Variants in OSBPL1A observed in about 807,000 individuals in gnomAD.
OSBPL1A encodes oxysterol binding protein like 1A.
Under a neutral mutation model 137.1 loss-of-function variants are expected in OSBPL1A, and 80 were observed. The ratio of observed to expected loss-of-function variants is 0.58; its 90% CI spans 0.49 to 0.70. OSBPL1A has a LOEUF of 0.70. Ranked by LOEUF, OSBPL1A falls within the 30% of genes least tolerant of loss-of-function variation. OSBPL1A has a pLI of 0.00. For missense variants in OSBPL1A, 970 were observed against 1,129.4 expected (o/e 0.86, Z 2.02); for synonymous variants, 365 against 389.7 (o/e 0.94, Z 0.75).
chr18:24,253,720 A>G (rs1278165441), intron 15 of OSBPL1A, among the ~76,000 whole-genome samples: 2 of 152,218 alleles, frequency 1.3e-5, no homozygotes, highest in African/African-American at 4.8e-5. Context: ...GTGGGATGGC[A>G]GAACTGGTTG....
At chr18:24,363,126 T>C (rs1470924857) in intron 4 of OSBPL1A, among the ~76,000 whole-genome samples, 1 of 152,256 alleles carries the variant, frequency 6.6e-6, no homozygotes, top group Admixed American at 6.5e-5. Flanking sequence ...CTGCTTTTTC[T>C]ATTAGAGTGT....
chr18:24,293,104 C>CAAAAAAAAAA (rs1172730345), intron 14 of OSBPL1A, among the ~76,000 whole-genome samples: 39 of 66,244 alleles, frequency 5.9e-4, no homozygotes, highest in East Asian at 3.3e-3. Context: ...ACTCCCGTCT[C>CAAAAAAAAAA]AAAAAAAAAA....
chr18:24,368,623 C>T (rs1214140666), intron 2 of OSBPL1A: 5 of 342,120 alleles, frequency 1.5e-5, no homozygotes, highest in Non-Finnish European at 2.7e-5. Context: ...ACGGGGGTTA[C>T]ATTCGAGCTA....
At chr18:24,265,454 T>C (rs921090571) in intron 15 of OSBPL1A, among the ~76,000 whole-genome samples, 3 of 152,108 alleles carry the variant, frequency 2.0e-5, no homozygotes. Context: ...CACTCCAGCC[T>C]GGGCGACAGA....
At chr18:24,237,520 G>A (rs776110224) in intron 16 of OSBPL1A, among the ~76,000 whole-genome samples, 2 of 152,130 alleles carry the variant, frequency 1.3e-5, no homozygotes, top group South Asian at 4.1e-4. Flanking sequence ...GCCCAGGCTG[G>A]TCTCGAACTT....
chr18:24,185,195 C>T (rs982715240), intron 18 of OSBPL1A, among the ~76,000 whole-genome samples: 13 of 152,032 alleles, frequency 8.6e-5, no homozygotes, highest in Admixed American at 2.0e-4. Flanking sequence ...ATTTTTAAGG[C>T]GTGAAAACAC....
chr18:24,370,543 T>C (rs1388996861), intron 2 of OSBPL1A, among the ~76,000 whole-genome samples: 4 of 152,180 alleles, frequency 2.6e-5, no homozygotes, highest in African/African-American at 9.7e-5. Flanking sequence ...AGCCACAGCC[T>C]GGGCGCCATC....
intron 15 of OSBPL1A, among the ~76,000 whole-genome samples, chr18:24,246,949 GAAAA>G (rs1300347548): frequency 6.6e-6 from 1 of 151,982 alleles, no homozygotes; most frequent in African/African-American, 2.4e-5. Flanking sequence ...TGTGATATAA[GAAAA>G]AAAGGAAATC....
rs531375263 is a variant in OSBPL1A, at chr18:24,369,626, C to G, written c.122-1254G>C. Among the ~76,000 whole-genome samples the G allele has an allele frequency of 2.6e-5, 4 of 152,292 alleles. No individual in the cohort carries two copies. The East Asian group carries it at 7.7e-4, about 29-fold the overall frequency. On this transcript the variant is annotated intron_variant, in intron 2 of 27. Transcript: ENST00000319481. ...ACCTCAGCCAACAACCTCAGCACAC[C>G]CACAACAGGCCTCTAACAACCCTCC...
At chr18:24,351,347 C>CAAAAAAAAAA (rs1172514692) in intron 4 of OSBPL1A, among the ~76,000 whole-genome samples, 35 of 35,752 alleles carry the variant, frequency 9.8e-4, no homozygotes, top group Middle Eastern at 0.022. Context: ...GACTCTGTCT[C>CAAAAAAAAAA]AAAAAAAAAA....
chr18:24,297,988 A>C (rs2090323798), intron 14 of OSBPL1A, among the ~76,000 whole-genome samples: 1 of 152,178 alleles, frequency 6.6e-6, no homozygotes, highest in Admixed American at 6.5e-5. Context: ...ATTCTAAATC[A>C]CAGGATAAGA....
intron 14 of OSBPL1A, among the ~76,000 whole-genome samples, chr18:24,284,309 A>G (rs2090025746): frequency 6.6e-6 from 1 of 152,216 alleles, no homozygotes; most frequent in African/African-American, 2.4e-5. Context: ...TAATATTTAG[A>G]GACTAAACTG....
intron 18 of OSBPL1A, 101 bp downstream of exon 18, chr18:24,196,024 G>A (rs375850754): frequency 3.9e-5 from 35 of 896,436 alleles, no homozygotes; most frequent in Non-Finnish European, 5.4e-5. Flanking sequence ...TCCCATAAAC[G>A]TTGTCGTGCA....
At position 24,368,313 on chromosome 18, in the gene OSBPL1A, T is replaced by C. The variant is rs1386424726; in HGVS notation, c.181A>G (p.Arg61Gly). ...TTCAACAGATCCTGGACCACTTGTC[T>C]GTGTCCAAAATAGCATGCCAGATGT... Reference protein sequence around the residue: ...PLHLACYFGHRQVVQDLLKAG... With the variant: ...PLHLACYFGHGQVVQDLLKAG... Residue 61 changes from arginine to glycine, a missense_variant, in exon 3 of 28, where the codon AGA becomes GGA. Transcript: ENST00000319481. The C allele has an allele frequency of 1.9e-6, 3 of 1,613,326 alleles. No homozygotes were observed.
chr18:24,377,224 T>C (rs1259437861), intron 2 of OSBPL1A, among the ~76,000 whole-genome samples, 189 bp downstream of exon 2: 1 of 152,234 alleles, frequency 6.6e-6, no homozygotes, highest in African/African-American at 2.4e-5. Context: ...TTTAAGAATT[T>C]AAAATTCTTA....
chr18:24,265,819 C>T (rs1231644282), intron 15 of OSBPL1A, among the ~76,000 whole-genome samples: 1 of 152,160 alleles, frequency 6.6e-6, no homozygotes, highest in Non-Finnish European at 1.5e-5. Context: ...AGACATCTCC[C>T]CTGCATCTCT....
At chr18:24,221,464 T>A (rs919299473) in intron 17 of OSBPL1A, among the ~76,000 whole-genome samples, 12 of 152,236 alleles carry the variant, frequency 7.9e-5, no homozygotes, top group African/African-American at 2.9e-4. Flanking sequence ...CAAGTGCAAG[T>A]AATTAGAATC....
At chr18:24,286,266 A>G (rs952016246) in intron 14 of OSBPL1A, among the ~76,000 whole-genome samples, 6 of 152,348 alleles carry the variant, frequency 3.9e-5, no homozygotes, top group African/African-American at 1.4e-4. Context: ...TTGCACATAA[A>G]AATCAACTAA....
At chr18:24,193,278 T>C (rs1247377982) in intron 18 of OSBPL1A, among the ~76,000 whole-genome samples, 1 of 152,084 alleles carries the variant, frequency 6.6e-6, no homozygotes, top group Non-Finnish European at 1.5e-5. Flanking sequence ...ACTGAGGTCA[T>C]GAGTTCGAGA....
Sources: allele counts gnomAD v4.1 joint callset (sites outside exome capture counted in the v4.1 genomes callset), GRCh38; gene constraint gnomAD v4.1.1; transcripts MANE v1.5; gene names NCBI Gene and HGNC (gene_info 2026-07-23, HGNC 2026-07-21).